The following RYR2 variants were observed in gnomAD, a reference collection of about 807,000 sequenced individuals.
The protein encoded by RYR2 is cardiac muscle ryanodine receptor-calcium release channel.
Under a neutral mutation model 601.1 loss-of-function variants are expected in RYR2, and 227 were observed. The observed-to-expected ratio is 0.38, with a 90% CI of 0.34 to 0.42. RYR2 has a LOEUF of 0.42. Ranked by LOEUF, RYR2 falls within the 10% of genes least tolerant of loss-of-function variation. RYR2 has a pLI of 1.00. For synonymous variants in RYR2, 2,223 were observed against 2,175.1 expected (o/e 1.02, Z -0.61); for missense variants, 4,646 against 6,156.5 (o/e 0.75, Z 8.21).
intron 29 of RYR2, among the ~76,000 whole-genome samples, chr1:237,588,969 A>G (rs978769804): frequency 1.3e-5 from 2 of 152,246 alleles, no homozygotes; most frequent in Admixed American, 1.3e-4. Flanking sequence ...GCTCAAAAAA[A>G]CAATTAACAA....
At chr1:237,580,460 A>G (rs1673783557) in intron 29 of RYR2, among the ~76,000 whole-genome samples, 1 of 77,736 alleles carries the variant, frequency 1.3e-5, no homozygotes, top group Non-Finnish European at 2.9e-5. Context: ...CCAGGCCCCA[A>G]CAATGCTTTA....
chr1:237,328,996 G>A (rs2149558208), intron 2 of RYR2, among the ~76,000 whole-genome samples: 1 of 152,160 alleles, frequency 6.6e-6, no homozygotes, highest in East Asian at 1.9e-4. Flanking sequence ...TGGTTGGACT[G>A]CATACTGGAT....
intron 10 of RYR2, among the ~76,000 whole-genome samples, chr1:237,389,298 A>G (rs1318033911): frequency 1.3e-5 from 2 of 152,364 alleles, no homozygotes; most frequent in East Asian, 3.9e-4. Context: ...CAATTATTCC[A>G]GAGTGATTAG....
chr1:237,428,897 A>C (rs1434842249), intron 12 of RYR2, among the ~76,000 whole-genome samples: 1 of 152,134 alleles, frequency 6.6e-6, no homozygotes, highest in Non-Finnish European at 1.5e-5. Context: ...TAGTATTAGG[A>C]GATATCAAGT....
intron 1 of RYR2, among the ~76,000 whole-genome samples, chr1:237,146,075 C>T (rs373993018): frequency 6.6e-6 from 1 of 152,140 alleles, no homozygotes; most frequent in East Asian, 1.9e-4. Flanking sequence ...GGGACTATAG[C>T]ATATATTTGG....
chr1:237,508,744 T>TC (rs1665535232), intron 23 of RYR2, among the ~76,000 whole-genome samples: 1 of 134,292 alleles, frequency 7.4e-6, no homozygotes, highest in African/African-American at 2.8e-5. Flanking sequence ...CTTTTTTTTT[T>TC]TTTTTTTTTT....
At chr1:237,662,963 A>T (rs1683944034) in intron 56 of RYR2, among the ~76,000 whole-genome samples, 1 of 152,180 alleles carries the variant, frequency 6.6e-6, no homozygotes, top group South Asian at 2.1e-4. Context: ...TACTATTGTT[A>T]TGTCAATATT....
intron 1 of RYR2, among the ~76,000 whole-genome samples, chr1:237,226,618 C>G (rs1315804733): frequency 6.6e-6 from 1 of 152,156 alleles, no homozygotes; most frequent in African/African-American, 2.4e-5. Flanking sequence ...ATGGGTCACA[C>G]TGGACTGCTA....
chr1:237,322,551 T>G (rs889715122), intron 2 of RYR2, among the ~76,000 whole-genome samples: 2 of 152,140 alleles, frequency 1.3e-5, no homozygotes, highest in Admixed American at 6.5e-5. Context: ...TATGAATGGA[T>G]TCTACAAAAT....
At chr1:237,182,343 A>G (rs1411415646) in intron 1 of RYR2, among the ~76,000 whole-genome samples, 1 of 151,790 alleles carries the variant, frequency 6.6e-6, no homozygotes, top group Non-Finnish European at 1.5e-5. Context: ...GATGGTCTCA[A>G]TCTCCTGACC....
At chr1:237,427,995 A>T (rs1217486709) in intron 12 of RYR2, among the ~76,000 whole-genome samples, 1 of 152,068 alleles carries the variant, frequency 6.6e-6, no homozygotes, top group African/African-American at 2.4e-5. Context: ...AAGAAACATG[A>T]AAAAAAGCTC....
At chr1:237,210,828 A>C (rs1682491134) in intron 1 of RYR2, among the ~76,000 whole-genome samples, 1 of 152,206 alleles carries the variant, frequency 6.6e-6, no homozygotes, top group African/African-American at 2.4e-5. Context: ...CATCCAGGCC[A>C]AAGTTCAGGG....
chr1:237,443,487 A>G (rs1405429909), intron 13 of RYR2, among the ~76,000 whole-genome samples: 1 of 152,234 alleles, frequency 6.6e-6, no homozygotes, highest in African/African-American at 2.4e-5. Context: ...TAACTTGTTG[A>G]TAAAATAACT....
chr1:237,153,565 G>C (rs2148824275), intron 1 of RYR2, among the ~76,000 whole-genome samples: 1 of 151,702 alleles, frequency 6.6e-6, no homozygotes, highest in Non-Finnish European at 1.5e-5. Context: ...GCATGGAACA[G>C]TTATAGATAG....
chr1:237,592,893 C>A (rs1033187127), intron 32 of RYR2, among the ~76,000 whole-genome samples: 1 of 151,618 alleles, frequency 6.6e-6, no homozygotes, highest in Admixed American at 6.6e-5. Flanking sequence ...TCGTTGTGCA[C>A]ACCTGTAGTC....
At chr1:237,163,571 A>C (rs1321304146) in intron 1 of RYR2, among the ~76,000 whole-genome samples, 1 of 152,152 alleles carries the variant, frequency 6.6e-6, no homozygotes. Flanking sequence ...CTTGAGGACT[A>C]TTCCTTTGAC....
chr1:237,791,868 G>A (rs373776913), intron 93 of RYR2: 14 of 577,902 alleles, frequency 2.4e-5, no homozygotes, highest in African/African-American at 9.3e-5. Flanking sequence ...TAATTTTTTA[G>A]CATGCATTGG....
intron 1 of RYR2, among the ~76,000 whole-genome samples, chr1:237,102,091 A>G (rs1341559757): frequency 2.0e-5 from 3 of 152,184 alleles, no homozygotes; most frequent in Non-Finnish European, 2.9e-5. Context: ...TCAAGGTCAA[A>G]GACATTGCTG....
chr1:237,749,387 A>C (rs568515300), intron 80 of RYR2, among the ~76,000 whole-genome samples: 3 of 152,262 alleles, frequency 2.0e-5, no homozygotes, highest in African/African-American at 7.2e-5. Flanking sequence ...AATATATATA[A>C]GGCACTCAGA....
Sources: allele counts gnomAD v4.1 joint callset (sites outside exome capture counted in the v4.1 genomes callset), GRCh38; gene constraint gnomAD v4.1.1; transcripts MANE v1.5; gene names NCBI Gene and HGNC (gene_info 2026-07-23, HGNC 2026-07-21).